DLG1: variants seen among roughly 807,000 people sequenced by gnomAD.
DLG1 encodes disks large homolog 1.
DLG1 carries 42 observed loss-of-function variants against 123.4 expected under a neutral mutation model. The ratio of observed to expected loss-of-function variants is 0.34; its 90% CI spans 0.27 to 0.44. The LOEUF (loss-of-function observed/expected upper bound fraction) is 0.44. DLG1 is among the 20% of genes least tolerant of loss of function. The pLI, the probability that DLG1 is intolerant of heterozygous loss-of-function variation, is 1.00. For synonymous variants in DLG1, 317 were observed against 356.2 expected, an observed-to-expected ratio of 0.89 and a Z score of 1.24; for missense variants, 942 against 1,082.6, an observed-to-expected ratio of 0.87 and a Z score of 1.82.
chr3:197,287,835 T>C (rs1018081051), intron 3 of DLG1, among the ~76,000 whole-genome samples: 3 of 152,168 alleles, frequency 2.0e-5, no homozygotes, highest in Non-Finnish European at 4.4e-5. Flanking sequence ...TATGGTGAAT[T>C]GGTCATTCTT....
intron 13 of DLG1, among the ~76,000 whole-genome samples, chr3:197,109,681 T>A (rs1171813343): frequency 2.0e-5 from 3 of 152,214 alleles, no homozygotes; most frequent in Admixed American, 2.0e-4. Flanking sequence ...ATAGGGCAGG[T>A]TTTTGAGAGA....
At chr3:197,297,708 CG>C (rs1358143265) in intron 1 of DLG1, 41 of 987,960 alleles carry the variant, frequency 4.1e-5, no homozygotes, top group Non-Finnish European at 4.7e-5. Flanking sequence ...GCTGCTCCAG[CG>C]GGGGCCGGAC....
intron 10 of DLG1, among the ~76,000 whole-genome samples, chr3:197,133,797 T>A (rs1266381505): frequency 6.6e-6 from 1 of 151,990 alleles, no homozygotes; most frequent in African/African-American, 2.4e-5. Context: ...AGAAGAGAAA[T>A]ACCAAGATAA....
At chr3:197,068,641 G>A in intron 19 of DLG1, 2 of 706,734 alleles carry the variant, frequency 2.8e-6, no homozygotes, top group South Asian at 3.3e-5. Context: ...CCATGCCCAA[G>A]TCTGTTTTAA....
At chr3:197,148,392 C>T in intron 6 of DLG1, among the ~76,000 whole-genome samples, 1 of 108,568 alleles carries the variant, frequency 9.2e-6, no homozygotes, top group East Asian at 3.0e-4. Context: ...GCCTGGGTGA[C>T]AGAGTGAAAC....
chr3:197,051,651 A>G lies in DLG1; in HGVS notation c.2501T>C (p.Leu834Pro). ...TGTTTTTCTGGCTTGTTCTTCTGTT[A>G]GACGCTTATTCATTTCCCTACGAAA... Reference protein sequence around the residue: ...MENIMEMNKRLTEEQARKTFE... With the variant: ...MENIMEMNKRPTEEQARKTFE... The change falls in exon 24 of 25, where the codon CTA becomes CCA. Residue 834 changes from leucine (L) to proline (P), a missense_variant. Leu to Pro is a moderately conservative substitution (Grantham distance 98). Coordinates refer to ENST00000667157, the MANE Select transcript of DLG1 (RefSeq NM_001366207.1). 6.2e-7 allele frequency: 1 copy of G among 1,613,438 alleles called. No individual in the cohort carries two copies. The highest frequency in any genetic ancestry group is 1.1e-5 in the South Asian group (1 of 91,068).
intron 5 of DLG1, among the ~76,000 whole-genome samples, chr3:197,177,315 C>G (rs1410527387): frequency 6.6e-6 from 1 of 152,116 alleles, no homozygotes; most frequent in African/African-American, 2.4e-5. Flanking sequence ...ACTATTTCCA[C>G]CAATTTCTCT....
intron 4 of DLG1, among the ~76,000 whole-genome samples, chr3:197,196,223 G>T (rs1015310413): frequency 4.8e-5 from 7 of 144,372 alleles, no homozygotes; most frequent in African/African-American, 1.3e-4. Flanking sequence ...CTTGACTGCT[G>T]AAAGTTACTA....
chr3:197,083,112 T>C (rs1752192111), intron 16 of DLG1, among the ~76,000 whole-genome samples: 1 of 152,186 alleles, frequency 6.6e-6, no homozygotes, highest in African/African-American at 2.4e-5. Flanking sequence ...AAAAGAGGAT[T>C]TGTCATCAAC....
At chr3:197,139,908 T>G (rs1195059) in intron 8 of DLG1, among the ~76,000 whole-genome samples, 1 of 152,206 alleles carries the variant, frequency 6.6e-6, no homozygotes, top group Non-Finnish European at 1.5e-5. Flanking sequence ...TCAACCAAAT[T>G]TGTTATTCAA....
At chr3:197,195,872 TTAAAA>T (rs1233582583) in intron 4 of DLG1, among the ~76,000 whole-genome samples, 2 of 151,612 alleles carry the variant, frequency 1.3e-5, no homozygotes, top group African/African-American at 2.4e-5. Context: ...CCCCCTGAAC[TTAAAA>T]TAAAAGTAGA....
chr3:197,278,637 T>C (rs930617335), intron 4 of DLG1, among the ~76,000 whole-genome samples: 7 of 152,102 alleles, frequency 4.6e-5, no homozygotes, highest in African/African-American at 1.7e-4. Context: ...ATACTAATCC[T>C]GTCCCTTTAA....
intron 4 of DLG1, among the ~76,000 whole-genome samples, chr3:197,261,479 T>G (rs573778169): frequency 2.0e-5 from 3 of 152,334 alleles, no homozygotes; most frequent in African/African-American, 7.2e-5. Context: ...TCTAACAAAT[T>G]TTTAATGCAT....
rs148968193 is a variant in DLG1 at position 197,166,625 on chromosome 3, C to T, written c.484-16829G>A. Among the ~76,000 whole-genome samples, 595 of 152,298 alleles carry T rather than the reference C, an allele frequency of 3.9e-3. 3 individuals are homozygous for T. Among genetic ancestry groups the T allele is most frequent in the African/African-American group, 0.013 (559 of 41,554 alleles). On this transcript the variant is annotated intron_variant, in intron 5 of 24. Coordinates refer to ENST00000667157, the MANE Select transcript of DLG1 (RefSeq NM_001366207.1). ...CACAACATGGCCGGGCACGGAGGCT[C>T]ATGCCTGTAATCCCAACACTTTGGG...
intron 4 of DLG1, among the ~76,000 whole-genome samples, chr3:197,254,943 C>A (rs1185169583): frequency 1.3e-5 from 2 of 151,928 alleles, no homozygotes; most frequent in African/African-American, 4.8e-5. Flanking sequence ...GTAATCCTAG[C>A]TACTCAGGAG....
intron 5 of DLG1, among the ~76,000 whole-genome samples, chr3:197,172,764 C>A (rs554190185): frequency 5.9e-5 from 9 of 152,176 alleles, no homozygotes; most frequent in Non-Finnish European, 1.3e-4. Context: ...AACCTTAGAA[C>A]AGAAGTTTCA....
At chr3:197,203,914 G>A (rs1727174185) in intron 4 of DLG1, among the ~76,000 whole-genome samples, 1 of 152,156 alleles carries the variant, frequency 6.6e-6, no homozygotes, top group Non-Finnish European at 1.5e-5. Flanking sequence ...GATACTTTTA[G>A]GGTAAGGAAG....
chr3:197,236,532 G>T (rs1244171263), intron 4 of DLG1, among the ~76,000 whole-genome samples: 2 of 152,110 alleles, frequency 1.3e-5, no homozygotes, highest in African/African-American at 4.8e-5. Context: ...TCATTTGGCT[G>T]GCCCTACATT....
At chr3:197,138,847 T>C (rs1445097252) in intron 8 of DLG1, among the ~76,000 whole-genome samples, 2 of 152,262 alleles carry the variant, frequency 1.3e-5, no homozygotes, top group South Asian at 2.1e-4. Context: ...ACAAAGAATG[T>C]AAATAACTTT....
Sources: gnomAD v4.1 joint callset for allele counts (sites outside exome capture counted in the v4.1 genomes callset) on GRCh38, gnomAD v4.1.1 for gene constraint, MANE v1.5 for transcripts, NCBI Gene and HGNC (gene_info 2026-07-23, HGNC 2026-07-21) for gene names.